LAP3: variants seen among roughly 807,000 people sequenced by gnomAD.
LAP3 encodes cytosol aminopeptidase.
In LAP3, 46 loss-of-function variants were observed where a neutral mutation model predicts 58.8. That is an observed-to-expected ratio of 0.78 (90% confidence interval 0.62 to 1.00). LAP3 has a LOEUF of 1.00. LAP3 is among the 50% of genes least tolerant of loss of function. The probability of loss-of-function intolerance (pLI) is 0.00; values close to 1 mark genes in which losing one functional copy is unlikely to be tolerated. For missense variants in LAP3, 615 were observed against 659.1 expected, an observed-to-expected ratio of 0.93 and a Z score of 0.73; for synonymous variants, 257 against 237.7, an observed-to-expected ratio of 1.08 and a Z score of -0.75.
intron 7 of LAP3, among the ~76,000 whole-genome samples, chr4:17,589,631 T>C (rs1049179705): frequency 6.6e-6 from 1 of 151,760 alleles, no homozygotes; most frequent in African/African-American, 2.4e-5. Flanking sequence ...GTCCTTTTTT[T>C]AAAAAAAATA....
rs375379793 is a variant in LAP3, at chr4:17,604,665, G to C, written c.1258G>C (p.Glu420Gln). The C allele has an allele frequency of 6.2e-7, 1 of 1,603,158 alleles. No homozygotes were observed. Among genetic ancestry groups the C allele is most frequent in the South Asian group, 1.1e-5 (1 of 90,822 alleles). ...ATCCTGGCTCTGGAACAAACTCTTC[G>C]AGGTAGGAATAATATTTGTATATCT... ...NSSWLWNKLF[E>Q]ASIETGDRVW... Residue 420 changes from glutamate to glutamine, a missense_variant and splice_region_variant, in exon 11 of 13, where the codon GAG becomes CAG. Coordinates refer to ENST00000226299, the MANE Select transcript of LAP3 (RefSeq NM_015907.3).
At chr4:17,582,427 G>A in intron 4 of LAP3, 34 bp downstream of exon 4, 1 of 1,527,202 alleles carries the variant, frequency 6.5e-7, no homozygotes, top group Non-Finnish European at 9.0e-7. Context: ...AGAATCCTGA[G>A]GATCCACTCT....
At chr4:17,606,326 T>C (rs763121679) in intron 11 of LAP3, among the ~76,000 whole-genome samples, 41 of 152,108 alleles carry the variant, frequency 2.7e-4, no homozygotes, top group Non-Finnish European at 5.7e-4. Flanking sequence ...ATTCCCGGTT[T>C]CTTTTTATTT....
intron 2 of LAP3, among the ~76,000 whole-genome samples, chr4:17,580,544 C>T (rs923455799): frequency 1.3e-5 from 2 of 151,934 alleles, no homozygotes; most frequent in Non-Finnish European, 2.9e-5. Context: ...TTCCTCAGCC[C>T]ACCCTCCTGG....
chr4:17,605,449 C>T (rs371954913), intron 11 of LAP3, among the ~76,000 whole-genome samples: 1 of 152,218 alleles, frequency 6.6e-6, no homozygotes, highest in Non-Finnish European at 1.5e-5. Flanking sequence ...CTCCCGAGTC[C>T]CAGCCTCTGT....
At chr4:17,597,183 TC>T in intron 9 of LAP3, 49 bp downstream of exon 9, 1 of 1,490,388 alleles carries the variant, frequency 6.7e-7, no homozygotes, top group Non-Finnish European at 9.4e-7. Context: ...TCCTCAGGAA[TC>T]CCGTGGTGGC....
intron 11 of LAP3, among the ~76,000 whole-genome samples, chr4:17,606,513 C>T (rs1714145151): frequency 6.6e-6 from 1 of 151,960 alleles, no homozygotes; most frequent in African/African-American, 2.4e-5. Flanking sequence ...TAATTTTTTG[C>T]ATTTTTAGTA....
chr4:17,601,389 C>T (rs1465520761), intron 10 of LAP3, among the ~76,000 whole-genome samples: 1 of 152,090 alleles, frequency 6.6e-6, no homozygotes, highest in Non-Finnish European at 1.5e-5. Context: ...TTATGTCTGC[C>T]ATTTTTTATT....
chr4:17,604,397 T>C (rs1714065066), intron 10 of LAP3, among the ~76,000 whole-genome samples, 191 bp from the exon 11 acceptor site: 1 of 152,150 alleles, frequency 6.6e-6, no homozygotes, highest in Admixed American at 6.5e-5. Context: ...TTCCTAATAA[T>C]TTAAGTGAAT....
intron 1 of LAP3, among the ~76,000 whole-genome samples, chr4:17,579,351 G>A (rs1345078996): frequency 6.6e-6 from 1 of 152,168 alleles, no homozygotes; most frequent in African/African-American, 2.4e-5. Context: ...TTTCTCATGG[G>A]AATTTGTGTG....
At chr4:17,604,440 A>G (rs1448058172) in intron 10 of LAP3, 148 bp from the exon 11 acceptor site, 7 of 561,154 alleles carry the variant, frequency 1.2e-5, no homozygotes, top group East Asian at 8.4e-5. Flanking sequence ...TATGTTAAGT[A>G]TGTACAGGAA....
intron 7 of LAP3, 96 bp from the exon 8 acceptor site, chr4:17,595,314 A>G: frequency 1.4e-6 from 2 of 1,406,358 alleles, no homozygotes; most frequent in East Asian, 2.4e-5. Flanking sequence ...CTGGGATTAC[A>G]GGCGTGAGCC....
intron 8 of LAP3, among the ~76,000 whole-genome samples, chr4:17,596,038 C>T (rs1017905731): frequency 3.9e-5 from 6 of 151,954 alleles, no homozygotes; most frequent in African/African-American, 1.2e-4. Flanking sequence ...TCAGAGGAGA[C>T]GGGGAAGGAG....
chr4:17,582,367 A>G lies in LAP3; in HGVS notation c.353A>G (p.Lys118Arg), dbSNP rs1216281596. 1 of 1,613,936 alleles carries G rather than the reference A, an allele frequency of 6.2e-7. No individual in the cohort carries two copies. The highest frequency in any genetic ancestry group is 1.3e-5 in the African/African-American group (1 of 74,956). Residue 118 changes from lysine (K) to arginine (R), a missense_variant, in exon 4 of 13, where the codon AAA becomes AGA. Physicochemically the swap from Lys to Arg is conservative, Grantham distance 26 (BLOSUM62 2). Transcript: ENST00000226299. ...IDEQENWHEG[K>R]ENIRAAVAAG... is the part of the protein sequence containing the mutation. ...GAACAGGAAAACTGGCATGAAGGCAAAGAAAACATCAGAGCTGCTGTTGCA... is the reference window on the plus strand; with the variant it reads ...GAACAGGAAAACTGGCATGAAGGCAGAGAAAACATCAGAGCTGCTGTTGCA...
intron 7 of LAP3, among the ~76,000 whole-genome samples, chr4:17,590,549 A>G (rs1173099769): frequency 2.0e-5 from 3 of 152,082 alleles, no homozygotes; most frequent in African/African-American, 2.4e-5. Context: ...GCATTATACT[A>G]TTGTACTAAA....
At chr4:17,598,627 A>G (rs1489533385) in intron 10 of LAP3, 69 bp downstream of exon 10, 1 of 1,113,962 alleles carries the variant, frequency 9.0e-7, no homozygotes, top group Non-Finnish European at 1.4e-6. Flanking sequence ...TTCACACACT[A>G]TACTTGTGGC....
Position 17,579,838 on chromosome 4 carries a change from A to C in LAP3, c.117A>C (p.Gly39=). The change falls in exon 2 of 13, where the codon GGA becomes GGC. Residue 39 remains glycine (G), a synonymous_variant. Transcript: ENST00000226299. ...TADMTKGLVL[G]IYSKEKEDDV... ...CTTATTCCCAGGGCCTTGTTTTAGG[A>C]ATCTATTCCAAAGAAAAAGAAGATG... The C allele has an allele frequency of 6.2e-7, 1 of 1,605,354 alleles. No homozygotes were observed. The highest frequency in any genetic ancestry group is 8.5e-7 in the Non-Finnish European group (1 of 1,173,752).
intron 4 of LAP3, among the ~76,000 whole-genome samples, chr4:17,583,275 C>T (rs1007514507): frequency 1.3e-5 from 2 of 152,182 alleles, no homozygotes; most frequent in Non-Finnish European, 2.9e-5. Context: ...CCTGTCCTCA[C>T]CACCACCTGG....
intron 11 of LAP3, among the ~76,000 whole-genome samples, chr4:17,605,394 A>G (rs1714100445): frequency 6.6e-6 from 1 of 152,094 alleles, no homozygotes. Flanking sequence ...CATTCCTCAC[A>G]TGGAAGCTCC....
Sources: allele counts gnomAD v4.1 joint callset (sites outside exome capture counted in the v4.1 genomes callset), GRCh38; gene constraint gnomAD v4.1.1; transcripts MANE v1.5; gene names NCBI Gene and HGNC (gene_info 2026-07-23, HGNC 2026-07-21).